The following SUCLG2 variants were observed in gnomAD, a reference collection of about 807,000 sequenced individuals.
SUCLG2 encodes succinate-CoA ligase GDP-forming subunit beta.
Under a neutral mutation model 47.9 loss-of-function variants are expected in SUCLG2, and 42 were observed. The ratio of observed to expected loss-of-function variants is 0.88; its 90% CI spans 0.69 to 1.14. SUCLG2 has a LOEUF of 1.14. Among genes scored for constraint, SUCLG2 ranks in the 50% most tolerant of loss-of-function variants. The pLI is 0.00. For synonymous variants in SUCLG2, 195 were observed against 197.3 expected (o/e 0.99, Z 0.10); for missense variants, 571 against 525.9 (o/e 1.09, Z -0.84).
chr3:67,478,122 C>A (rs1005510217), intron 9 of SUCLG2, among the ~76,000 whole-genome samples: 1 of 152,144 alleles, frequency 6.6e-6, no homozygotes, highest in East Asian at 1.9e-4. Flanking sequence ...GCTCTAGAAT[C>A]CCTTCTCTTA....
At chr3:67,413,494 A>T (rs1702971773) in intron 9 of SUCLG2, among the ~76,000 whole-genome samples, 1 of 152,234 alleles carries the variant, frequency 6.6e-6, no homozygotes, top group East Asian at 1.9e-4. Context: ...GTTAACTTCC[A>T]TAAAATGCCA....
At chr3:67,562,146 G>A (rs1160288196) in intron 2 of SUCLG2, among the ~76,000 whole-genome samples, 2 of 152,112 alleles carry the variant, frequency 1.3e-5, no homozygotes, top group Non-Finnish European at 2.9e-5. Flanking sequence ...CCTTCCCTTA[G>A]GGTAGAGTCC....
intron 2 of SUCLG2, among the ~76,000 whole-genome samples, chr3:67,559,065 T>C (rs1025060696): frequency 6.6e-6 from 1 of 152,214 alleles, no homozygotes; most frequent in African/African-American, 2.4e-5. Context: ...AATATCACAA[T>C]GTATTAATAG....
At position 67,399,313 on chromosome 3, in the gene SUCLG2, G is replaced by A. The variant is rs569592547; in HGVS notation, c.1183+1418C>T. ...GCATCTTGAACTGTTCTGAGGAAAA[G>A]TGTTCGTGCAACTGTCTGGGTATCA... On this transcript the variant is annotated intron_variant, in intron 10 of 10. Transcript: ENST00000307227. 5.4e-4 allele frequency among the ~76,000 whole-genome samples: 82 copies of A among 152,268 alleles called. No homozygotes were observed. In the South Asian group the frequency reaches 8.9e-3, roughly 17 times the overall value.
At chr3:67,595,607 G>A (rs2772466) in intron 2 of SUCLG2, among the ~76,000 whole-genome samples, 56,221 of 152,008 alleles carry the variant, frequency 0.37, 10,743 homozygotes, top group Non-Finnish European at 0.41. Flanking sequence ...CTTTGGGCTT[G>A]GAAGCAAAGG....
intron 4 of SUCLG2, among the ~76,000 whole-genome samples, chr3:67,526,519 G>C (rs1018618945): frequency 1.3e-5 from 2 of 152,092 alleles, no homozygotes. Flanking sequence ...ATTTTGGAGG[G>C]AGCATTCAGA....
intron 2 of SUCLG2, among the ~76,000 whole-genome samples, chr3:67,534,619 T>G (rs542958600): frequency 1.3e-5 from 2 of 151,894 alleles, no homozygotes; most frequent in East Asian, 3.9e-4. Context: ...CCAATTCAGT[T>G]GTAACATCTT....
At chr3:67,471,912 C>G (rs1055758825) in intron 9 of SUCLG2, among the ~76,000 whole-genome samples, 1 of 152,156 alleles carries the variant, frequency 6.6e-6, no homozygotes, top group South Asian at 2.1e-4. Flanking sequence ...AGAACTGTTT[C>G]CTCCAGAGGC....
intron 10 of SUCLG2, among the ~76,000 whole-genome samples, chr3:67,394,424 G>A (rs1345840752): frequency 7.9e-6 from 1 of 125,952 alleles, no homozygotes; most frequent in Non-Finnish European, 1.9e-5. Flanking sequence ...GGGTATCAGT[G>A]ATGGAAGATG....
intron 10 of SUCLG2, among the ~76,000 whole-genome samples, chr3:67,392,547 C>G (rs1260916158): frequency 6.6e-6 from 1 of 152,160 alleles, no homozygotes; most frequent in Non-Finnish European, 1.5e-5. Flanking sequence ...TTTCATTTTA[C>G]CCCTAGGATA....
chr3:67,450,094 T>C (rs936349117), intron 9 of SUCLG2, among the ~76,000 whole-genome samples: 8 of 152,140 alleles, frequency 5.3e-5, no homozygotes, highest in Non-Finnish European at 4.4e-5. Flanking sequence ...CAGGCTGAAG[T>C]GCAGTGGCAT....
At chr3:67,474,522 C>A (rs1704694222) in intron 9 of SUCLG2, among the ~76,000 whole-genome samples, 1 of 152,106 alleles carries the variant, frequency 6.6e-6, no homozygotes, top group Admixed American at 6.5e-5. Context: ...GAAGAATATG[C>A]CAAGTCTTCC....
chr3:67,410,205 C>G (rs528612796), intron 9 of SUCLG2, among the ~76,000 whole-genome samples: 1 of 152,152 alleles, frequency 6.6e-6, no homozygotes, highest in Non-Finnish European at 1.5e-5. Context: ...TACAAAGATG[C>G]TAATCATTTC....
chr3:67,469,153 G>A (rs941810296), intron 9 of SUCLG2, among the ~76,000 whole-genome samples: 51 of 152,308 alleles, frequency 3.3e-4, no homozygotes, highest in African/African-American at 1.2e-3. Context: ...TATAAAATGG[G>A]CATGAGGTAG....
Position 67,378,951 on chromosome 3 carries a change from T to A in SUCLG2, c.1184-3092A>T, listed in dbSNP as rs558060891. Among the ~76,000 whole-genome samples the A allele has an allele frequency of 3.1e-4, 47 of 152,148 alleles. 1 individual carries two copies. Among genetic ancestry groups the A allele is most frequent in the African/African-American group, 1.0e-3 (42 of 41,520 alleles). ...CCAGAAGGTAAATGACAGTTACACG[T>A]GTAAATTTTGTTTTAGACAGAGTCT... On this transcript the variant is annotated intron_variant, in intron 10 of 10. Coordinates refer to ENST00000307227, the MANE Select transcript of SUCLG2 (RefSeq NM_003848.4).
intron 2 of SUCLG2, among the ~76,000 whole-genome samples, chr3:67,539,693 CT>C (rs1162118765): frequency 6.6e-6 from 1 of 152,012 alleles, no homozygotes; most frequent in African/African-American, 2.4e-5. Flanking sequence ...TTGTCCTAGG[CT>C]TTTTTTGGTT....
chr3:67,440,263 A>T (rs1703727595), intron 9 of SUCLG2, among the ~76,000 whole-genome samples: 1 of 152,240 alleles, frequency 6.6e-6, no homozygotes, highest in Non-Finnish European at 1.5e-5. Context: ...TGTAAGACCT[A>T]AAACCATAAA....
chr3:67,652,194 T>A (rs897665577), intron 1 of SUCLG2, among the ~76,000 whole-genome samples: 4 of 149,972 alleles, frequency 2.7e-5, no homozygotes, highest in Non-Finnish European at 4.4e-5. Context: ...ACACTAAGCA[T>A]CAGGAATATG....
At chr3:67,629,747 T>G (rs1700894579) in intron 1 of SUCLG2, among the ~76,000 whole-genome samples, 1 of 152,026 alleles carries the variant, frequency 6.6e-6, no homozygotes, top group Non-Finnish European at 1.5e-5. Context: ...CCACCAGCAG[T>G]CACCTCATTA....
Sources: allele counts gnomAD v4.1 joint callset (sites outside exome capture counted in the v4.1 genomes callset), GRCh38; gene constraint gnomAD v4.1.1; transcripts MANE v1.5; gene names NCBI Gene and HGNC (gene_info 2026-07-23, HGNC 2026-07-21).